SH3RF3: variants seen among roughly 807,000 people sequenced by gnomAD.
SH3RF3 encodes the protein E3 ubiquitin-protein ligase SH3RF3.
In SH3RF3, 29 loss-of-function variants were observed where a neutral mutation model predicts 66.3. The observed-to-expected ratio is 0.44, with a 90% CI of 0.33 to 0.60. The LOEUF is 0.60. Among genes scored for constraint, SH3RF3 ranks in the 20% least tolerant of loss-of-function variants. The pLI is 0.04. For synonymous variants in SH3RF3, 583 were observed against 532.0 expected, an observed-to-expected ratio of 1.10 and a Z score of -1.32; for missense variants, 1,194 against 1,190.9, an observed-to-expected ratio of 1.00 and a Z score of -0.04.
chr2:109,419,531 G>A lies in SH3RF3; in HGVS notation c.1300-8G>A, dbSNP rs1477681987. The A allele has an allele frequency of 6.3e-7, 1 of 1,586,862 alleles. No homozygotes were observed. The highest frequency in any genetic ancestry group is 8.6e-7 in the Non-Finnish European group (1 of 1,167,040). ...TCCTCACTCCTGTCCCCTCTTGTCTGTTTCCAGGATGTCTCCTCCTCGGCG... is the reference window on the plus strand; with the variant it reads ...TCCTCACTCCTGTCCCCTCTTGTCTATTTCCAGGATGTCTCCTCCTCGGCG... On this transcript the variant is annotated splice_polypyrimidine_tract_variant and splice_region_variant and intron_variant, in intron 4 of 9. Coordinates refer to ENST00000309415, the MANE Select transcript of SH3RF3 (RefSeq NM_001099289.3).
intron 8 of SH3RF3, among the ~76,000 whole-genome samples, chr2:109,456,050 G>T (rs1475210831): frequency 1.3e-5 from 2 of 152,238 alleles, no homozygotes; most frequent in Non-Finnish European, 2.9e-5. Context: ...GTCATCAGGT[G>T]CAGCCACAGT....
chr2:109,237,626 C>T lies in SH3RF3; in HGVS notation c.573+107513C>T, dbSNP rs903331064. ...TGTGTGAATTTTTTTTAAAGCTCAT[C>T]GGCTATTGTTAGTGTTAGTATATTT... On this transcript the variant is annotated intron_variant, in intron 1 of 9. Transcript: ENST00000309415. Among the ~76,000 whole-genome samples, 31 of 152,126 alleles carry T rather than the reference C, an allele frequency of 2.0e-4. 1 individual carries two copies. Among genetic ancestry groups the T allele is most frequent in the African/African-American group, 5.1e-4 (21 of 41,502 alleles).
chr2:109,432,011 C>T (rs951102238), intron 5 of SH3RF3, among the ~76,000 whole-genome samples: 10 of 152,194 alleles, frequency 6.6e-5, no homozygotes, highest in African/African-American at 2.4e-4. Context: ...ATAAGCCAGG[C>T]AGGAAAACCA....
chr2:109,302,101 T>C (rs1426213331), intron 1 of SH3RF3, among the ~76,000 whole-genome samples: 1 of 152,176 alleles, frequency 6.6e-6, no homozygotes, highest in African/African-American at 2.4e-5. Context: ...CCCACTGCAA[T>C]CGATAGCAGA....
chr2:109,234,164 G>A (rs13416490), intron 1 of SH3RF3, among the ~76,000 whole-genome samples: 22,104 of 152,108 alleles, frequency 0.15, 3,039 homozygotes, highest in African/African-American at 0.35. Flanking sequence ...ATACCATGAA[G>A]TTAATAGTAT....
chr2:109,292,013 G>A (rs1157880619), intron 1 of SH3RF3, among the ~76,000 whole-genome samples: 4 of 152,084 alleles, frequency 2.6e-5, no homozygotes, highest in African/African-American at 7.2e-5. Flanking sequence ...ACAGGCGCAC[G>A]CCACCACGCC....
intron 2 of SH3RF3, among the ~76,000 whole-genome samples, chr2:109,351,825 G>A (rs192980259): frequency 7.1e-4 from 108 of 152,322 alleles, no homozygotes; most frequent in African/African-American, 2.4e-3. Flanking sequence ...TCTCACCCTC[G>A]ATTTGTCCTG....
At position 109,365,402 on chromosome 2, in the gene SH3RF3, G is replaced by T. The variant is rs149144929; in HGVS notation, c.850-6184G>T. On this transcript the variant is annotated intron_variant, in intron 2 of 9. Coordinates refer to ENST00000309415, the MANE Select transcript of SH3RF3 (RefSeq NM_001099289.3). Reference sequence around the variant, plus strand: ...CTTCCCACGGAGGCTGCTGCTTGGGGATTTCTGGTATTTCCCTATTGATCT... The same window carrying T: ...CTTCCCACGGAGGCTGCTGCTTGGGTATTTCTGGTATTTCCCTATTGATCT... Among the ~76,000 whole-genome samples the T allele has an allele frequency of 9.3e-3, 1,418 of 152,326 alleles. 18 individuals carry two copies. Among genetic ancestry groups the T allele is most frequent in the African/African-American group, 0.032 (1,350 of 41,564 alleles).
At chr2:109,201,093 C>G (rs1482630021) in intron 1 of SH3RF3, among the ~76,000 whole-genome samples, 2 of 152,228 alleles carry the variant, frequency 1.3e-5, no homozygotes, top group African/African-American at 2.4e-5. Flanking sequence ...TCTCAGTTCT[C>G]TCCCCTGTCC....
Position 109,397,209 on chromosome 2 carries a change from C to CA in SH3RF3, c.946-1380dup, listed in dbSNP as rs201877318. Reference sequence around the variant, plus strand: ...GTTTCCGCTTGGTGAGGAGAAAACTCAGAGACAGCTCCCGCTTCCTCCTGC... The same window carrying CA: ...GTTTCCGCTTGGTGAGGAGAAAACTCAAGAGACAGCTCCCGCTTCCTCCTGC... On this transcript the variant is annotated intron_variant, in intron 3 of 9. Transcript: ENST00000309415. 1.0e-3 allele frequency among the ~76,000 whole-genome samples: 155 copies of CA among 152,280 alleles called. 5 individuals carry two copies. In the East Asian group the frequency reaches 0.021, roughly 21 times the overall value.
intron 1 of SH3RF3, among the ~76,000 whole-genome samples, chr2:109,333,549 C>A (rs1418879007): frequency 6.6e-6 from 1 of 152,232 alleles, no homozygotes; most frequent in Non-Finnish European, 1.5e-5. Flanking sequence ...AACACAATCT[C>A]ACCCACTAAT....
chr2:109,136,576 G>A (rs1676819902), intron 1 of SH3RF3, among the ~76,000 whole-genome samples: 1 of 152,150 alleles, frequency 6.6e-6, no homozygotes, highest in African/African-American at 2.4e-5. Context: ...GCCCTTGATG[G>A]CTCTGCACAT....
At chr2:109,260,825 ACTT>A (rs1309768233) in intron 1 of SH3RF3, among the ~76,000 whole-genome samples, 1 of 152,102 alleles carries the variant, frequency 6.6e-6, no homozygotes, top group African/African-American at 2.4e-5. Flanking sequence ...CAGGGGAGGG[ACTT>A]CTTCCTCCCC....
chr2:109,175,630 G>A (rs931055276), intron 1 of SH3RF3, among the ~76,000 whole-genome samples: 4 of 152,214 alleles, frequency 2.6e-5, no homozygotes, highest in African/African-American at 9.6e-5. Context: ...TGCAATCTCA[G>A]TGGAAACCTT....
At chr2:109,157,044 C>T (rs1047758293) in intron 1 of SH3RF3, among the ~76,000 whole-genome samples, 2 of 152,204 alleles carry the variant, frequency 1.3e-5, no homozygotes, top group African/African-American at 4.8e-5. Flanking sequence ...GGATTTGCAT[C>T]ATCTGACTGT....
At position 109,327,930 on chromosome 2, in the gene SH3RF3, T is replaced by A. The variant is rs115245206; in HGVS notation, c.574-19744T>A. Among the ~76,000 whole-genome samples, 420 of 152,316 alleles carry A rather than the reference T, an allele frequency of 2.8e-3. 2 individuals are homozygous for A. Among genetic ancestry groups the A allele is most frequent in the African/African-American group, 9.2e-3 (381 of 41,572 alleles). On this transcript the variant is annotated intron_variant, in intron 1 of 9. Transcript: ENST00000309415. Reference sequence around the variant, plus strand: ...TATGGATACCTTCAAACATACACAATCATGGAGGGTCTAGGACAATGACCC... The same window carrying A: ...TATGGATACCTTCAAACATACACAAACATGGAGGGTCTAGGACAATGACCC...
intron 8 of SH3RF3, among the ~76,000 whole-genome samples, chr2:109,467,444 CAGAA>C (rs1375818393): frequency 6.6e-6 from 1 of 152,174 alleles, no homozygotes; most frequent in African/African-American, 2.4e-5. Context: ...TGTTTAGTGA[CAGAA>C]AGCAGCTCGG....
At chr2:109,232,451 G>C (rs1470874523) in intron 1 of SH3RF3, among the ~76,000 whole-genome samples, 1 of 152,172 alleles carries the variant, frequency 6.6e-6, no homozygotes, top group Non-Finnish European at 1.5e-5. Flanking sequence ...CTATCTATCT[G>C]TAAATAGGAG....
chr2:109,333,766 T>C lies in SH3RF3; in HGVS notation c.574-13908T>C, dbSNP rs142194349. Among the ~76,000 whole-genome samples, 715 of 152,324 alleles carry C rather than the reference T, an allele frequency of 4.7e-3. 4 individuals carry two copies. The highest frequency in any genetic ancestry group is 0.016 in the African/African-American group (666 of 41,568). On this transcript the variant is annotated intron_variant, in intron 1 of 9. Coordinates refer to ENST00000309415, the MANE Select transcript of SH3RF3 (RefSeq NM_001099289.3). ...CGTATTGGCAGCATGACCTTGAACA[T>C]GTTAATTAACCTCTGTGTGACTTAG... is the stretch of plus-strand genomic sequence containing the variant.
Sources: gnomAD v4.1 joint callset for allele counts (sites outside exome capture counted in the v4.1 genomes callset) on GRCh38, gnomAD v4.1.1 for gene constraint, MANE v1.5 for transcripts, NCBI Gene and HGNC (gene_info 2026-07-23, HGNC 2026-07-21) for gene names.